RAB11FIP4: variants seen among roughly 807,000 people sequenced by gnomAD.
RAB11FIP4 encodes RAB11 family interacting protein 4, also known as rab11 family-interacting protein 4.
Under a neutral mutation model 74.3 loss-of-function variants are expected in RAB11FIP4, and 23 were observed. The observed-to-expected ratio is 0.31, with a 90% CI of 0.22 to 0.44. RAB11FIP4 has a LOEUF of 0.44. Among genes scored for constraint, RAB11FIP4 ranks in the 20% least tolerant of loss-of-function variants. The probability of loss-of-function intolerance (pLI) is 1.00; values close to 1 mark genes in which losing one functional copy is unlikely to be tolerated. For synonymous variants in RAB11FIP4, 360 were observed against 359.9 expected (o/e 1.00, Z 0.00); for missense variants, 630 against 863.9 (o/e 0.73, Z 3.39).
intron 3 of RAB11FIP4, among the ~76,000 whole-genome samples, chr17:31,480,088 C>T (rs2071831443): frequency 6.6e-6 from 1 of 152,122 alleles, no homozygotes; most frequent in Admixed American, 6.6e-5. Context: ...AAGTTACTTG[C>T]CTTTAGCCAA....
At chr17:31,409,569 G>T (rs1322593350) in intron 1 of RAB11FIP4, among the ~76,000 whole-genome samples, 2 of 152,178 alleles carry the variant, frequency 1.3e-5, no homozygotes, top group African/African-American at 4.8e-5. Flanking sequence ...TGGGTAGAAA[G>T]AAACTCCAGA....
At chr17:31,475,778 C>T (rs1200239035) in intron 3 of RAB11FIP4, among the ~76,000 whole-genome samples, 1 of 146,338 alleles carries the variant, frequency 6.8e-6, no homozygotes, top group Non-Finnish European at 1.5e-5. Flanking sequence ...GTTAGTGCCA[C>T]GTTTTCTGCA....
At chr17:31,426,170 G>A (rs1012370209) in intron 1 of RAB11FIP4, among the ~76,000 whole-genome samples, 13 of 152,180 alleles carry the variant, frequency 8.5e-5, no homozygotes, top group Admixed American at 1.3e-4. Context: ...AGACAGCCCC[G>A]TGAGAGTCTC....
chr17:31,481,008 G>C (rs980986559), intron 3 of RAB11FIP4, among the ~76,000 whole-genome samples: 1 of 152,076 alleles, frequency 6.6e-6, no homozygotes, highest in African/African-American at 2.4e-5. Context: ...ACAACACCTA[G>C]AACAGAGCCT....
At chr17:31,510,296 T>C (rs1264566933) in intron 3 of RAB11FIP4, among the ~76,000 whole-genome samples, 1 of 152,298 alleles carries the variant, frequency 6.6e-6, no homozygotes, top group South Asian at 2.1e-4. Flanking sequence ...GAGAGATTCA[T>C]CACAGGCCTA....
At chr17:31,472,353 GGGGCC>G (rs2071746053) in intron 3 of RAB11FIP4, among the ~76,000 whole-genome samples, 1 of 152,220 alleles carries the variant, frequency 6.6e-6, no homozygotes, top group Non-Finnish European at 1.5e-5. Context: ...CCTGGGGGTC[GGGGCC>G]AGCCGCAGGG....
chr17:31,525,306 C>G (rs2072746785), intron 10 of RAB11FIP4, 76 bp downstream of exon 10: 1 of 1,407,912 alleles, frequency 7.1e-7, no homozygotes, highest in African/African-American at 1.5e-5. Flanking sequence ...AGGCGCTATC[C>G]CCATTTTATA....
chr17:31,463,372 G>A (rs2071650850), intron 3 of RAB11FIP4, among the ~76,000 whole-genome samples: 1 of 152,166 alleles, frequency 6.6e-6, no homozygotes. Context: ...AGAAGACGAT[G>A]AGTCCCGCAG....
At position 31,431,986 on chromosome 17, in the gene RAB11FIP4, T is replaced by G. The variant is rs2071314304; in HGVS notation, c.247+86T>G. The G allele has an allele frequency of 1.1e-5, 12 of 1,043,694 alleles. No individual in the cohort carries two copies. In the East Asian group the frequency reaches 2.9e-4, roughly 25 times the overall value. 64.7% of individuals were successfully genotyped at this position (1,043,694 alleles called of 1,614,324 possible). A position where few individuals can be genotyped will look rare whatever the true frequency, so the allele number is the denominator to read the frequency against. On this transcript the variant is annotated intron_variant, in intron 2 of 14. Transcript: ENST00000621161. ...GGTGTGACTGGGGGCCCAGCCTGGA[T>G]TCCTCCCCACAGGGGTCCCAGAGCC... is the stretch of plus-strand genomic sequence containing the variant.
At chr17:31,456,367 C>G (rs960292721) in intron 3 of RAB11FIP4, among the ~76,000 whole-genome samples, 9 of 152,156 alleles carry the variant, frequency 5.9e-5, no homozygotes, top group African/African-American at 2.4e-5. Context: ...GCACCACTCT[C>G]AGTTAACGTT....
intron 3 of RAB11FIP4, among the ~76,000 whole-genome samples, chr17:31,507,401 G>A (rs1265637129): frequency 6.6e-6 from 1 of 152,178 alleles, no homozygotes; most frequent in African/African-American, 2.4e-5. Context: ...TTAGGGTGAG[G>A]TGGTATCTCA....
At chr17:31,464,749 CTTTTTTTT>C (rs58083480) in intron 3 of RAB11FIP4, among the ~76,000 whole-genome samples, 70 of 39,644 alleles carry the variant, frequency 1.8e-3, no homozygotes, top group South Asian at 0.013. Context: ...CTGTGCCCGG[CTTTTTTTT>C]TTTTTTTTTT....
intron 2 of RAB11FIP4, 59 bp from the exon 3 acceptor site, chr17:31,433,975 A>G: frequency 6.7e-7 from 1 of 1,490,934 alleles, no homozygotes; most frequent in South Asian, 1.2e-5. Context: ...GAAGCAGAGC[A>G]GCCGTCCCAG....
intron 1 of RAB11FIP4, among the ~76,000 whole-genome samples, chr17:31,421,164 T>C (rs1471944276): frequency 6.6e-6 from 1 of 152,206 alleles, no homozygotes; most frequent in Admixed American, 6.5e-5. Flanking sequence ...TCCCAAGTAT[T>C]TGAGGATTTT....
chr17:31,393,924 C>A (rs1427473644), intron 1 of RAB11FIP4, among the ~76,000 whole-genome samples: 2 of 152,110 alleles, frequency 1.3e-5, no homozygotes, highest in East Asian at 3.9e-4. Flanking sequence ...CTATATTAGC[C>A]CCAAGACCTC....
At chr17:31,531,595 C>A in intron 14 of RAB11FIP4, 21 bp from the exon 15 acceptor site, 2 of 1,554,976 alleles carry the variant, frequency 1.3e-6, no homozygotes, top group Non-Finnish European at 1.8e-6. Flanking sequence ...GCCACTGACC[C>A]GTCTTTCCCA....
intron 3 of RAB11FIP4, chr17:31,509,185 C>T (rs1321080325): frequency 6.6e-6 from 1 of 152,516 alleles, no homozygotes; most frequent in African/African-American, 2.4e-5. Flanking sequence ...GAAACCAGCA[C>T]AGGAAACGTG....
chr17:31,522,465 C>A, intron 7 of RAB11FIP4, 70 bp downstream of exon 7: 1 of 1,498,158 alleles, frequency 6.7e-7, no homozygotes, highest in Non-Finnish European at 9.2e-7. Flanking sequence ...GGGCTCCCTG[C>A]CAGCAGCCCG....
intron 3 of RAB11FIP4, among the ~76,000 whole-genome samples, chr17:31,495,445 G>A (rs1463663029): frequency 6.7e-6 from 1 of 148,418 alleles, no homozygotes; most frequent in Non-Finnish European, 1.5e-5. Context: ...TACAATCTTG[G>A]CTCACTGTAG....
Sources: allele counts gnomAD v4.1 joint callset (sites outside exome capture counted in the v4.1 genomes callset), GRCh38; gene constraint gnomAD v4.1.1; transcripts MANE v1.5; gene names NCBI Gene and HGNC (gene_info 2026-07-23, HGNC 2026-07-21).